ATRNL1: variants seen among roughly 807,000 people sequenced by gnomAD.
ATRNL1 encodes the protein attractin like 1.
In ATRNL1, 95 loss-of-function variants were observed where a neutral mutation model predicts 182.7. That is an observed-to-expected ratio of 0.52 (90% CI 0.44 to 0.62). The LOEUF (loss-of-function observed/expected upper bound fraction) is 0.62, where lower values mean the gene tolerates loss of function less well. Ranked by LOEUF, ATRNL1 falls within the 20% of genes least tolerant of loss-of-function variation. The pLI is 0.00. For synonymous variants in ATRNL1, 576 were observed against 568.3 expected, an observed-to-expected ratio of 1.01 and a Z score of -0.19; for missense variants, 1,471 against 1,679.5, an observed-to-expected ratio of 0.88 and a Z score of 2.17.
intron 27 of ATRNL1, among the ~76,000 whole-genome samples, chr10:115,782,470 T>C (rs1433158051): frequency 6.6e-6 from 1 of 152,252 alleles, no homozygotes; most frequent in Non-Finnish European, 1.5e-5. Context: ...CATTTTGTTG[T>C]TAAGCCTCCT....
At chr10:115,656,616 C>A (rs1379002804) in intron 26 of ATRNL1, among the ~76,000 whole-genome samples, 1 of 151,828 alleles carries the variant, frequency 6.6e-6, no homozygotes, top group East Asian at 1.9e-4. Context: ...TAAGTTGGTT[C>A]GAATATGAAT....
intron 27 of ATRNL1, among the ~76,000 whole-genome samples, chr10:115,737,990 A>G (rs1364596712): frequency 6.6e-6 from 1 of 151,930 alleles, no homozygotes; most frequent in Non-Finnish European, 1.5e-5. Flanking sequence ...CCCAATCCCT[A>G]ATTGCACATA....
At chr10:115,198,494 A>G (rs868977753) in intron 8 of ATRNL1, among the ~76,000 whole-genome samples, 11 of 152,104 alleles carry the variant, frequency 7.2e-5, no homozygotes, top group African/African-American at 2.4e-4. Flanking sequence ...TCTCCTTGCT[A>G]TGCAGAAGCT....
At position 115,727,314 on chromosome 10, in the gene ATRNL1, G is replaced by A. The variant is rs1947629655; in HGVS notation, c.3862G>A (p.Val1288Met). The change falls in exon 27 of 29, where the codon GTG becomes ATG. Residue 1288 changes from valine (V) to methionine (M), a missense_variant. Val to Met is a conservative substitution (Grantham distance 21). This residue lies in a region of ATRNL1 where 437 missense variants were observed against 506.0 expected (regional missense o/e 0.86). Coordinates refer to ENST00000355044, the MANE Select transcript of ATRNL1 (RefSeq NM_207303.4). ...TGCTTCTGTTGATGTAGCTCTGGAAGTGGGAGCTGAACAAACAGAGTTTCT... is the reference window on the plus strand; with the variant it reads ...TGCTTCTGTTGATGTAGCTCTGGAAATGGGAGCTGAACAAACAGAGTTTCT... ...PFASVDVALE[V>M]GAEQTEFLRG... 1 of 1,614,162 alleles carries A rather than the reference G, an allele frequency of 6.2e-7. No individual in the cohort carries two copies. Among genetic ancestry groups the A allele is most frequent in the Non-Finnish European group, 8.5e-7 (1 of 1,180,004 alleles).
chr10:115,385,747 A>C (rs1368487599), intron 19 of ATRNL1, among the ~76,000 whole-genome samples: 3 of 152,170 alleles, frequency 2.0e-5, no homozygotes, highest in Admixed American at 6.5e-5. Flanking sequence ...TGTAATGTGA[A>C]GTTGTGATAC....
At chr10:115,203,280 TAGAGCAGTAATAG>T (rs1848664629) in intron 8 of ATRNL1, among the ~76,000 whole-genome samples, 1 of 152,150 alleles carries the variant, frequency 6.6e-6, no homozygotes, top group South Asian at 2.1e-4. Flanking sequence ...ACTTCAAACC[TAGAGCAGTAATAG>T]AGATTGGTGT....
intron 26 of ATRNL1, among the ~76,000 whole-genome samples, chr10:115,633,402 C>A (rs1349738405): frequency 6.6e-6 from 1 of 152,154 alleles, no homozygotes; most frequent in Non-Finnish European, 1.5e-5. Flanking sequence ...TGGACAGTTT[C>A]TTACTGTGTG....
At chr10:115,133,688 C>G (rs572146438) in intron 5 of ATRNL1, among the ~76,000 whole-genome samples, 4 of 152,278 alleles carry the variant, frequency 2.6e-5, no homozygotes, top group South Asian at 2.1e-4. Context: ...AGCTCTGCAC[C>G]AAGCGGACCT....
At chr10:115,368,536 C>G (rs551113703) in intron 19 of ATRNL1, among the ~76,000 whole-genome samples, 42 of 152,174 alleles carry the variant, frequency 2.8e-4, no homozygotes, top group Middle Eastern at 3.2e-3. Context: ...ATTCGGCCAT[C>G]TTGGCTCGCA....
intron 24 of ATRNL1, among the ~76,000 whole-genome samples, chr10:115,490,220 G>A (rs571727445): frequency 6.6e-6 from 1 of 151,928 alleles, no homozygotes; most frequent in Non-Finnish European, 1.5e-5. Context: ...TCCTCTTCTC[G>A]AGGAGTATCT....
chr10:115,660,138 T>C (rs782438569), intron 26 of ATRNL1, among the ~76,000 whole-genome samples: 1 of 152,066 alleles, frequency 6.6e-6, no homozygotes, highest in African/African-American at 2.4e-5. Context: ...GACGAACCAA[T>C]GTATATTCAC....
chr10:115,193,719 ATTATT>A (rs1796362662), intron 8 of ATRNL1, among the ~76,000 whole-genome samples: 1 of 150,594 alleles, frequency 6.6e-6, no homozygotes, highest in Admixed American at 6.6e-5. Flanking sequence ...TCTGATCTTT[ATTATT>A]TTATTTCTTC....
intron 26 of ATRNL1, among the ~76,000 whole-genome samples, chr10:115,673,929 C>G (rs1361307607): frequency 6.6e-6 from 1 of 152,016 alleles, no homozygotes; most frequent in Non-Finnish European, 1.5e-5. Flanking sequence ...CAGCATGCTT[C>G]CTCTTGGGAG....
intron 9 of ATRNL1, among the ~76,000 whole-genome samples, chr10:115,227,705 GTACA>G (rs1849755310): frequency 6.6e-6 from 1 of 152,106 alleles, no homozygotes; most frequent in African/African-American, 2.4e-5. Context: ...AGAAAATGTG[GTACA>G]TACATACCAC....
intron 15 of ATRNL1, among the ~76,000 whole-genome samples, chr10:115,287,184 T>C (rs1554919251): frequency 1.3e-5 from 2 of 152,034 alleles, no homozygotes; most frequent in Admixed American, 6.5e-5. Flanking sequence ...TCTGGACATA[T>C]GCTTATTTCT....
intron 21 of ATRNL1, among the ~76,000 whole-genome samples, chr10:115,458,826 T>C (rs1247902365): frequency 6.6e-6 from 1 of 152,140 alleles, no homozygotes; most frequent in African/African-American, 2.4e-5. Flanking sequence ...AAGTGCTTGC[T>C]TTTCCTTCGT....
At chr10:115,429,833 CACA>C (rs1846067044) in intron 21 of ATRNL1, among the ~76,000 whole-genome samples, 1 of 152,020 alleles carries the variant, frequency 6.6e-6, no homozygotes, top group African/African-American at 2.4e-5. Context: ...TTTGGGAGGC[CACA>C]AAGGGCGAAT....
chr10:115,186,514 G>A (rs1191203476), intron 8 of ATRNL1, among the ~76,000 whole-genome samples: 1 of 152,052 alleles, frequency 6.6e-6, no homozygotes, highest in African/African-American at 2.4e-5. Context: ...ATACAATGGA[G>A]TACCATTCAG....
At chr10:115,133,992 A>G (rs1845386300) in intron 5 of ATRNL1, among the ~76,000 whole-genome samples, 1 of 152,150 alleles carries the variant, frequency 6.6e-6, no homozygotes, top group African/African-American at 2.4e-5. Context: ...ATGTTCTTGA[A>G]ACCAATGAGA....
Sources: gnomAD v4.1 joint callset for allele counts (sites outside exome capture counted in the v4.1 genomes callset) on GRCh38, gnomAD v4.1.1 for gene constraint, gnomAD v4.1.1 regional missense constraint, MANE v1.5 for transcripts, NCBI Gene and HGNC (gene_info 2026-07-23, HGNC 2026-07-21) for gene names.